Variants in SLC25A21 observed in about 807,000 individuals in gnomAD.
The protein encoded by SLC25A21 is solute carrier family 25 member 21.
A neutral mutation model predicts 43.8 loss-of-function variants in SLC25A21; 47 were observed. That is an observed-to-expected ratio of 1.07 (90% CI 0.85 to 1.37). The LOEUF (loss-of-function observed/expected upper bound fraction) is 1.37, where lower values mean the gene tolerates loss of function less well. SLC25A21 is among the 40% of genes most tolerant of loss of function. The pLI, the probability that SLC25A21 is intolerant of heterozygous loss-of-function variation, is 0.00. For missense variants in SLC25A21, 352 were observed against 350.2 expected (o/e 1.00, Z -0.04); for synonymous variants, 131 against 121.3 (o/e 1.08, Z -0.52).
intron 1 of SLC25A21, among the ~76,000 whole-genome samples, chr14:37,127,936 C>T (rs1191711910): frequency 1.3e-5 from 2 of 152,104 alleles, no homozygotes; most frequent in Non-Finnish European, 2.9e-5. Flanking sequence ...AGCCAAATAT[C>T]TTTCAGTCAA....
At chr14:37,059,454 T>C (rs144471633) in intron 1 of SLC25A21, among the ~76,000 whole-genome samples, 178 of 152,354 alleles carry the variant, frequency 1.2e-3, no homozygotes, top group African/African-American at 4.0e-3. Context: ...TGTCATATAC[T>C]GTCACACAAA....
chr14:36,874,919 G>C lies in SLC25A21; in HGVS notation c.119+37C>G, dbSNP rs1352314139. The C allele has an allele frequency of 1.9e-6, 3 of 1,582,704 alleles. No homozygotes were observed. In the African/African-American group the frequency reaches 4.1e-5, roughly 21 times the overall value. ...CTGACAGATCTTAATTTGGATATTA[G>C]CCAAAGTCAATAAAACTTGTTCATG... On this transcript the variant is annotated intron_variant, in intron 2 of 9. Transcript: ENST00000331299.
At chr14:36,946,108 AT>A (rs1892674225) in intron 1 of SLC25A21, among the ~76,000 whole-genome samples, 1 of 152,220 alleles carries the variant, frequency 6.6e-6, no homozygotes, top group South Asian at 2.1e-4. Flanking sequence ...AACATTTTAG[AT>A]TTATAGCAAG....
Position 36,679,043 on chromosome 14 carries a change from C to T in SLC25A21, c.*1615G>A, listed in dbSNP as rs1048199. 93,496 of 984,850 alleles carry T rather than the reference C, an allele frequency of 0.095. 4,782 individuals carry two copies. Among genetic ancestry groups the T allele is most frequent in the South Asian group, 0.15 (3,237 of 21,270 alleles). The allele number at this position is 984,850 out of a possible 1,614,324, so 61.0% of individuals were successfully genotyped here. ...ACTGGCAAATGCACTCTTCAGAAATCCTTTTCTATCTGATCCACATGGAGA... is the reference window on the plus strand; with the variant it reads ...ACTGGCAAATGCACTCTTCAGAAATTCTTTTCTATCTGATCCACATGGAGA... On this transcript the variant is annotated 3_prime_UTR_variant, in exon 10 of 10. Coordinates refer to ENST00000331299, the MANE Select transcript of SLC25A21 (RefSeq NM_030631.4).
intron 1 of SLC25A21, among the ~76,000 whole-genome samples, chr14:37,038,361 C>T (rs976273918): frequency 6.6e-6 from 1 of 152,104 alleles, no homozygotes; most frequent in Non-Finnish European, 1.5e-5. Context: ...TGTCTTTCTG[C>T]CTCTAGCCTC....
chr14:37,166,843 G>C (rs1465710181), intron 1 of SLC25A21, among the ~76,000 whole-genome samples: 1 of 152,190 alleles, frequency 6.6e-6, no homozygotes, highest in East Asian at 1.9e-4. Context: ...CAATTAGTGA[G>C]AGGAAATATT....
At chr14:37,049,244 TA>T (rs1208040568) in intron 1 of SLC25A21, among the ~76,000 whole-genome samples, 2 of 151,958 alleles carry the variant, frequency 1.3e-5, no homozygotes, top group African/African-American at 4.8e-5. Flanking sequence ...ACCAAAAACA[TA>T]AAATAAAATG....
intron 1 of SLC25A21, among the ~76,000 whole-genome samples, chr14:37,083,094 T>C (rs1962419343): frequency 6.6e-6 from 1 of 152,234 alleles, no homozygotes; most frequent in African/African-American, 2.4e-5. Flanking sequence ...TGTTCACAGC[T>C]GAGAGGCAGG....
chr14:36,700,673 T>C (rs1883241749), intron 7 of SLC25A21, among the ~76,000 whole-genome samples: 1 of 152,176 alleles, frequency 6.6e-6, no homozygotes, highest in African/African-American at 2.4e-5. Flanking sequence ...GTTCAAAATA[T>C]CTAAAGAAAA....
At chr14:37,167,746 G>A (rs1964054166) in intron 1 of SLC25A21, among the ~76,000 whole-genome samples, 1 of 152,134 alleles carries the variant, frequency 6.6e-6, no homozygotes, top group African/African-American at 2.4e-5. Flanking sequence ...CCCTGCGTTT[G>A]ATGGATCAGC....
At chr14:36,739,757 A>T (rs1885180594) in intron 3 of SLC25A21, among the ~76,000 whole-genome samples, 2 of 151,952 alleles carry the variant, frequency 1.3e-5, no homozygotes, top group African/African-American at 4.8e-5. Context: ...GACCCAAAAG[A>T]TACATGCCCC....
intron 7 of SLC25A21, among the ~76,000 whole-genome samples, chr14:36,698,525 T>C (rs1883138492): frequency 6.6e-6 from 1 of 152,232 alleles, no homozygotes; most frequent in Admixed American, 6.5e-5. Context: ...CTTGGTTCCA[T>C]TCTTCCCATC....
intron 2 of SLC25A21, among the ~76,000 whole-genome samples, chr14:36,866,094 C>T (rs898670672): frequency 6.6e-6 from 1 of 152,054 alleles, no homozygotes; most frequent in Non-Finnish European, 1.5e-5. Context: ...CCCAGCACCA[C>T]CAGAAAACAT....
intron 3 of SLC25A21, among the ~76,000 whole-genome samples, chr14:36,795,689 G>GT (rs150887049): frequency 0.12 from 17,675 of 151,834 alleles, 1,349 homozygotes; most frequent in South Asian, 0.2. Flanking sequence ...CGTCTGTGCA[G>GT]TATTACTCAC....
chr14:37,164,764 G>C (rs995911041), intron 1 of SLC25A21, among the ~76,000 whole-genome samples: 2 of 152,110 alleles, frequency 1.3e-5, no homozygotes, highest in African/African-American at 4.8e-5. Flanking sequence ...GCCTTTTCAG[G>C]TTAAAAGCCT....
chr14:36,997,828 A>G (rs1960405683), intron 1 of SLC25A21, among the ~76,000 whole-genome samples: 1 of 152,042 alleles, frequency 6.6e-6, no homozygotes, highest in Admixed American at 6.6e-5. Flanking sequence ...TCAAAAAAAA[A>G]AAAAACAACT....
intron 1 of SLC25A21, among the ~76,000 whole-genome samples, chr14:36,953,046 G>A (rs1308889542): frequency 6.6e-6 from 1 of 152,102 alleles, no homozygotes; most frequent in Non-Finnish European, 1.5e-5. Context: ...TATCTATTTA[G>A]TTTTGAGGTA....
chr14:36,776,254 T>TTTTTTTTTTGA (rs398024804), intron 3 of SLC25A21, among the ~76,000 whole-genome samples: 4 of 140,040 alleles, frequency 2.9e-5, no homozygotes, highest in Non-Finnish European at 6.1e-5. Flanking sequence ...TTTTTTTTTT[T>TTTTTTTTTTGA]GAGATGGAGT....
intron 1 of SLC25A21, among the ~76,000 whole-genome samples, chr14:37,030,904 C>T (rs1961197029): frequency 6.6e-6 from 1 of 152,120 alleles, no homozygotes; most frequent in Admixed American, 6.5e-5. Flanking sequence ...TCAACCCTCC[C>T]AAGGATGCTT....
Sources: gnomAD v4.1 joint callset for allele counts (sites outside exome capture counted in the v4.1 genomes callset) on GRCh38, gnomAD v4.1.1 for gene constraint, MANE v1.5 for transcripts, NCBI Gene and HGNC (gene_info 2026-07-23, HGNC 2026-07-21) for gene names.